The following FMO1 variants were observed in gnomAD, a reference collection of about 807,000 sequenced individuals.
FMO1 encodes flavin containing dimethylaniline monoxygenase 1.
Under a neutral mutation model 45.4 loss-of-function variants are expected in FMO1, and 36 were observed. The observed-to-expected ratio is 0.79, with a 90% CI of 0.61 to 1.05. The LOEUF (loss-of-function observed/expected upper bound fraction) is 1.05, where lower values mean the gene tolerates loss of function less well. Among genes scored for constraint, FMO1 ranks in the 50% least tolerant of loss-of-function variants. The pLI is 0.00. For synonymous variants in FMO1, 228 were observed against 227.2 expected (o/e 1.00, Z -0.03); for missense variants, 615 against 640.3 (o/e 0.96, Z 0.43).
At chr1:171,283,033 G>T in intron 7 of FMO1, 111 bp from the exon 8 acceptor site, 1 of 682,274 alleles carries the variant, frequency 1.5e-6, no homozygotes. Flanking sequence ...GGATCAATGA[G>T]TAGCTGGTAC....
At chr1:171,263,193 T>C (rs1660446816) in intron 2 of FMO1, among the ~76,000 whole-genome samples, 1 of 152,250 alleles carries the variant, frequency 6.6e-6, no homozygotes, top group Admixed American at 6.5e-5. Context: ...ATTAATATTA[T>C]TGACAGCCTA....
At position 171,283,049 on chromosome 1, in the gene FMO1, G is replaced by A. The variant is rs566047014; in HGVS notation, c.1184-95G>A. On this transcript the variant is annotated intron_variant, in intron 7 of 8. Transcript: ENST00000617670. ...GATCAATGAGTAGCTGGTACTAGAC[G>A]TGAAAGGAGAGCCATAGTAAAGCAT... The A allele has an allele frequency of 2.6e-4, 192 of 733,958 alleles. 1 individual carries two copies. The highest frequency in any genetic ancestry group is 2.3e-3 in the African/African-American group (123 of 54,370). 45.5% of individuals were successfully genotyped at this position (733,958 alleles called of 1,614,324 possible).
At chr1:171,285,135 T>G (rs1185826945) in intron 8 of FMO1, 67 bp from the exon 9 acceptor site, 22 of 1,087,604 alleles carry the variant, frequency 2.0e-5, no homozygotes, top group Non-Finnish European at 2.9e-5. Flanking sequence ...CTTTGGGCAC[T>G]TGTACTTGTT....
chr1:171,285,686 G>C lies in FMO1; in HGVS notation c.*142G>C. ...TCTCGCTTCCCTGGCTGGCCCCAGG[G>C]CTACCACTGGTATTCCTGAGCCTCT... On this transcript the variant is annotated 3_prime_UTR_variant, in exon 9 of 9. Coordinates refer to ENST00000617670, the MANE Select transcript of FMO1 (RefSeq NM_001282693.2). 2.2e-6 allele frequency: 1 copy of C among 446,076 alleles called. No homozygotes were observed. The allele number at this position is 446,076 out of a possible 1,614,324, so 27.6% of individuals were successfully genotyped here.
Position 171,281,999 on chromosome 1 carries a change from GC to G in FMO1, c.850del (p.Leu284Ter), listed in dbSNP as rs1325903981. The G allele has an allele frequency of 1.9e-6, 3 of 1,608,506 alleles. No homozygotes were observed. Among genetic ancestry groups the G allele is most frequent in the Non-Finnish European group, 2.5e-6 (3 of 1,177,796 alleles). ...TTAGGACTCAGCTGAAAGAGTTTGTGCTAAATGATGAGCTCCCAGGACGCAT... is the reference window on the plus strand; with the variant it reads ...TTAGGACTCAGCTGAAAGAGTTTGTGTAAATGATGAGCTCCCAGGACGCAT... ...EDRTQLKEFVLNDELPGRIIT... is the reference protein window; with the variant it reads ...EDRTQLKEFVXNDELPGRIIT... On this transcript the variant is annotated frameshift_variant, in exon 7 of 9. Transcript: ENST00000617670. LOFTEE classifies it high-confidence loss of function.
At chr1:171,251,066 A>C (rs1345841798) in intron 1 of FMO1, among the ~76,000 whole-genome samples, 1 of 152,250 alleles carries the variant, frequency 6.6e-6, no homozygotes, top group Non-Finnish European at 1.5e-5. Flanking sequence ...GTAGTAACAA[A>C]GGAAGGCAGA....
chr1:171,278,802 A>G lies in FMO1; in HGVS notation c.558A>G (p.Arg186=). The G allele has an allele frequency of 6.2e-7, 1 of 1,611,848 alleles. No individual in the cohort carries two copies. Among genetic ancestry groups the G allele is most frequent in the Non-Finnish European group, 8.5e-7 (1 of 1,178,158 alleles). The change falls in exon 5 of 9, where the codon AGA becomes AGG. Residue 186 remains arginine, a synonymous_variant. Transcript: ENST00000617670. ...ATCCAGATATATTTAAGGACAAGAGAGTCCTTGTGATTGGAATGGGAAATT... is the reference window on the plus strand; with the variant it reads ...ATCCAGATATATTTAAGGACAAGAGGGTCCTTGTGATTGGAATGGGAAATT... The part of the protein sequence containing the change: ...YKHPDIFKDK[R]VLVIGMGNSG...
Position 171,267,688 on chromosome 1 carries a change from T to G in FMO1, c.278T>G (p.Met93Arg). 1.2e-6 allele frequency: 2 copies of G among 1,613,914 alleles called. No individual in the cohort carries two copies. The highest frequency in any genetic ancestry group is 1.7e-6 in the Non-Finnish European group (2 of 1,179,912). ...PNSQFLEYLKMYANHFDLLKH... is the reference protein window; with the variant it reads ...PNSQFLEYLKRYANHFDLLKH... Reference sequence around the variant, plus strand: ...TCTCAATTCCTGGAATATCTCAAAATGTATGCAAACCACTTTGACCTTCTG... The same window carrying G: ...TCTCAATTCCTGGAATATCTCAAAAGGTATGCAAACCACTTTGACCTTCTG... The change falls in exon 3 of 9, where the codon ATG (methionine) becomes AGG (arginine). Residue 93 changes from methionine to arginine, a missense_variant. By Grantham distance (91) the Met-to-Arg change is moderately conservative. Transcript: ENST00000617670.
At chr1:171,285,139 A>T in intron 8 of FMO1, 63 bp from the exon 9 acceptor site, 3 of 1,119,946 alleles carry the variant, frequency 2.7e-6, no homozygotes, top group African/African-American at 1.6e-5. Context: ...GGGCACTTGT[A>T]CTTGTTCTAA....
At chr1:171,256,450 G>A (rs1460935116) in intron 1 of FMO1, among the ~76,000 whole-genome samples, 1 of 151,968 alleles carries the variant, frequency 6.6e-6, no homozygotes, top group African/African-American at 2.4e-5. Flanking sequence ...CTCTCTAAAT[G>A]TGGGGTCACC....
chr1:171,274,093 G>A (rs1463183369), intron 3 of FMO1, among the ~76,000 whole-genome samples: 1 of 149,568 alleles, frequency 6.7e-6, no homozygotes, highest in Non-Finnish European at 1.5e-5. Context: ...AGATTGCGGT[G>A]AGCCGAGATT....
chr1:171,268,310 C>T (rs1660707029), intron 3 of FMO1, among the ~76,000 whole-genome samples: 1 of 152,148 alleles, frequency 6.6e-6, no homozygotes, highest in Admixed American at 6.5e-5. Flanking sequence ...GTCTCAAACA[C>T]CTGGGCTCAA....
intron 3 of FMO1, among the ~76,000 whole-genome samples, chr1:171,272,912 T>A (rs938343893): frequency 6.6e-6 from 1 of 152,174 alleles, no homozygotes; most frequent in Non-Finnish European, 1.5e-5. Context: ...GGGGGAACTG[T>A]TGGGAAGGCA....
chr1:171,262,549 T>C (rs1660419935), intron 2 of FMO1, among the ~76,000 whole-genome samples: 1 of 152,210 alleles, frequency 6.6e-6, no homozygotes, highest in African/African-American at 2.4e-5. Flanking sequence ...CTATGTGCCT[T>C]ACATACCACA....
At chr1:171,249,497 A>G (rs1204283248) in intron 1 of FMO1, among the ~76,000 whole-genome samples, 2 of 152,122 alleles carry the variant, frequency 1.3e-5, no homozygotes, top group African/African-American at 4.8e-5. Context: ...CCTTGGACCC[A>G]AGTTTCTTAC....
chr1:171,268,538 C>T (rs905779391), intron 3 of FMO1, among the ~76,000 whole-genome samples: 9 of 152,212 alleles, frequency 5.9e-5, no homozygotes, highest in Non-Finnish European at 1.3e-4. Context: ...CCCTTCCTCT[C>T]CCATTTCAGA....
intron 1 of FMO1, 92 bp from the exon 2 acceptor site, chr1:171,257,990 A>T: frequency 2.0e-6 from 3 of 1,471,718 alleles, no homozygotes. Context: ...CAAATCGCCT[A>T]ATCTTCCAAA....
chr1:171,253,151 G>C (rs1454801489), intron 1 of FMO1, among the ~76,000 whole-genome samples: 2 of 152,128 alleles, frequency 1.3e-5, no homozygotes, highest in Non-Finnish European at 2.9e-5. Flanking sequence ...AACCGACTTT[G>C]TGTCCTTTTT....
intron 1 of FMO1, among the ~76,000 whole-genome samples, chr1:171,256,722 C>G (rs1375794022): frequency 6.6e-6 from 1 of 152,052 alleles, no homozygotes; most frequent in Non-Finnish European, 1.5e-5. Context: ...ATTTTAGTCT[C>G]TACAGTTGAG....
Sources: gnomAD v4.1 joint callset for allele counts (sites outside exome capture counted in the v4.1 genomes callset) on GRCh38, gnomAD v4.1.1 for gene constraint, MANE v1.5 for transcripts, NCBI Gene and HGNC (gene_info 2026-07-23, HGNC 2026-07-21) for gene names.